Variants in GOLGA4 observed in about 807,000 individuals in gnomAD.
GOLGA4 encodes the protein golgin subfamily A member 4.
A neutral mutation model predicts 265.9 loss-of-function variants in GOLGA4; 169 were observed. The observed-to-expected ratio is 0.64, with a 90% confidence interval of 0.56 to 0.72. The LOEUF is 0.72. Ranked by LOEUF, GOLGA4 falls within the 30% of genes least tolerant of loss-of-function variation. The pLI, the probability that GOLGA4 is intolerant of heterozygous loss-of-function variation, is 0.00. For synonymous variants in GOLGA4, 923 were observed against 855.8 expected (o/e 1.08, Z -1.37); for missense variants, 2,482 against 2,483.4 (o/e 1.00, Z 0.01).
chr3:37,322,602 C>A (rs1315166452), intron 13 of GOLGA4, among the ~76,000 whole-genome samples: 1 of 152,128 alleles, frequency 6.6e-6, no homozygotes, highest in African/African-American at 2.4e-5. Flanking sequence ...GAAATGGACA[C>A]TTAGGAGGCC....
intron 8 of GOLGA4, 33 bp from the exon 9 acceptor site, chr3:37,299,255 A>G (rs1370057651): frequency 7.6e-7 from 1 of 1,313,260 alleles, no homozygotes; most frequent in South Asian, 1.2e-5. Context: ...AAGCTTTATT[A>G]GAGATGGAAA....
chr3:37,316,964 G>A (rs1235391198), intron 11 of GOLGA4, among the ~76,000 whole-genome samples: 2 of 151,528 alleles, frequency 1.3e-5, no homozygotes, highest in African/African-American at 4.8e-5. Flanking sequence ...TATATAGAAT[G>A]TTCTATATTT....
Position 37,324,906 on chromosome 3 carries a change from C to G in GOLGA4, c.3020C>G (p.Ala1007Gly). 1 of 1,606,426 alleles carries G rather than the reference C, an allele frequency of 6.2e-7. No individual in the cohort carries two copies. The highest frequency in any genetic ancestry group is 8.5e-7 in the Non-Finnish European group (1 of 1,177,858). Residue 1007 changes from alanine (A) to glycine (G), a missense_variant, in exon 14 of 24, where the codon GCA becomes GGA. By Grantham distance (60) the Ala-to-Gly change is moderately conservative. Coordinates refer to ENST00000361924, the MANE Select transcript of GOLGA4 (RefSeq NM_002078.5). Reference protein sequence around the residue: ...KQFNAKMLEMAQANSAGISDA... With the variant: ...KQFNAKMLEMGQANSAGISDA... ...TTTAATGCCAAAATGCTGGAAATGG[C>G]ACAGGCTAACTCAGCTGGAATCAGT...
chr3:37,248,166 G>A (rs1407481475), intron 1 of GOLGA4, among the ~76,000 whole-genome samples: 1 of 152,190 alleles, frequency 6.6e-6, no homozygotes, highest in Non-Finnish European at 1.5e-5. Flanking sequence ...TGTAGAGTCA[G>A]GGTCTTACTG....
At chr3:37,311,155 G>T (rs2096922231) in intron 10 of GOLGA4, among the ~76,000 whole-genome samples, 1 of 152,124 alleles carries the variant, frequency 6.6e-6, no homozygotes, top group East Asian at 1.9e-4. Flanking sequence ...TTTAAACATA[G>T]TGATGAGACT....
intron 16 of GOLGA4, 129 bp downstream of exon 16, chr3:37,329,222 T>C (rs2150980445): frequency 1.5e-6 from 1 of 667,614 alleles, no homozygotes; most frequent in South Asian, 2.1e-5. Context: ...CTCAATATTA[T>C]TCAAATTAGT....
chr3:37,276,438 A>C (rs1244446563), intron 2 of GOLGA4: 1 of 1,609,488 alleles, frequency 6.2e-7, no homozygotes. Context: ...AGAGAGCATC[A>C]GATGGCCAAG....
chr3:37,254,738 G>A (rs1018200291), intron 2 of GOLGA4, among the ~76,000 whole-genome samples: 2 of 151,236 alleles, frequency 1.3e-5, no homozygotes, highest in East Asian at 1.9e-4. Context: ...TCTTGACTTC[G>A]CGATCTGCCT....
Position 37,321,813 on chromosome 3 carries a change from A to C in GOLGA4, c.1628A>C (p.Gln543Pro). The change falls in exon 13 of 24, where the codon CAG becomes CCG. Residue 543 changes from glutamine (Q) to proline (P), a missense_variant. Physicochemically the swap from Gln to Pro is moderately conservative, Grantham distance 76. This residue lies in a region of GOLGA4 where 1,536 missense variants were observed against 1,483.7 expected (regional missense o/e 1.04). Transcript: ENST00000361924. ...TTGGCCCTAGAAGAGTTAGAGTTGC[A>C]GAAAAAAGCAATCCTCACAGAAAGT... is the stretch of plus-strand genomic sequence containing the variant. The part of the protein sequence containing the change: ...ESLALEELEL[Q>P]KKAILTESEN... 1 of 1,613,302 alleles carries C rather than the reference A, an allele frequency of 6.2e-7. No individual in the cohort carries two copies. Among genetic ancestry groups the C allele is most frequent in the East Asian group, 2.2e-5 (1 of 44,878 alleles).
Position 37,321,876 on chromosome 3 carries a change from C to A in GOLGA4, c.1691C>A (p.Thr564Asn). 6.3e-7 allele frequency: 1 copy of A among 1,592,996 alleles called. No homozygotes were observed. Among genetic ancestry groups the A allele is most frequent in the Non-Finnish European group, 8.5e-7 (1 of 1,174,326 alleles). The change falls in exon 13 of 24, where the codon ACT becomes AAT. Residue 564 changes from threonine (T) to asparagine (N), a missense_variant. Physicochemically the swap from Thr to Asn is moderately conservative, Grantham distance 65. Transcript: ENST00000361924. ...CGGGACCTTCAGCAAGAAGCAGAGA[C>A]TTACAGAACTGTAAGTTTTAATAAT... is the stretch of plus-strand genomic sequence containing the variant. ...KLRDLQQEAE[T>N]YRTRILELES...
intron 21 of GOLGA4, among the ~76,000 whole-genome samples, chr3:37,353,945 G>A (rs1330461271): frequency 6.6e-6 from 1 of 151,902 alleles, no homozygotes; most frequent in Non-Finnish European, 1.5e-5. Flanking sequence ...CGGAAGAAGA[G>A]GTCTGAAACT....
intron 16 of GOLGA4, among the ~76,000 whole-genome samples, chr3:37,333,406 C>CTAGA (rs1370386514): frequency 6.6e-6 from 1 of 151,814 alleles, no homozygotes; most frequent in Non-Finnish European, 1.5e-5. Context: ...TAAAATAAGA[C>CTAGA]TAGAAGGCTT....
intron 5 of GOLGA4, among the ~76,000 whole-genome samples, chr3:37,289,788 G>C (rs748476012): frequency 7.2e-5 from 11 of 152,080 alleles, no homozygotes; most frequent in Non-Finnish European, 1.6e-4. Context: ...ATTTTGTAAT[G>C]AGTACCTGTT....
At chr3:37,314,410 G>A (rs547039856) in intron 10 of GOLGA4, among the ~76,000 whole-genome samples, 7 of 152,146 alleles carry the variant, frequency 4.6e-5, no homozygotes, top group Non-Finnish European at 8.8e-5. Flanking sequence ...GGAGGACAAG[G>A]TGGGTGGATC....
At chr3:37,288,749 A>C (rs1237544214) in intron 4 of GOLGA4, among the ~76,000 whole-genome samples, 2 of 152,080 alleles carry the variant, frequency 1.3e-5, no homozygotes, top group Admixed American at 1.3e-4. Context: ...AAGTGCTGGG[A>C]TTACAGGTGT....
intron 2 of GOLGA4, among the ~76,000 whole-genome samples, chr3:37,262,575 T>G (rs1426697027): frequency 6.6e-6 from 1 of 151,830 alleles, no homozygotes; most frequent in Non-Finnish European, 1.5e-5. Context: ...AAACTCAGAC[T>G]GATGCCAGTT....
At chr3:37,299,425 C>T (rs2096887187) in intron 9 of GOLGA4, 54 bp downstream of exon 9, 2 of 1,038,930 alleles carry the variant, frequency 1.9e-6, no homozygotes, top group Admixed American at 2.0e-5. Context: ...CCAACATTTA[C>T]TTTTGGAAAC....
At chr3:37,269,797 T>C (rs2096793168) in intron 2 of GOLGA4, among the ~76,000 whole-genome samples, 1 of 151,290 alleles carries the variant, frequency 6.6e-6, no homozygotes, top group Admixed American at 6.6e-5. Context: ...GTTTAGTACA[T>C]AAATTGAAAT....
rs554388820 is a variant in GOLGA4 at position 37,318,918 on chromosome 3, G to A, written c.1414-145G>A. 37 of 554,954 alleles carry A rather than the reference G, an allele frequency of 6.7e-5. No individual in the cohort carries two copies. In the African/African-American group the frequency reaches 7.0e-4, roughly 10 times the overall value. The allele number at this position is 554,954 out of a possible 1,614,324, so 34.4% of individuals were successfully genotyped here. On this transcript the variant is annotated intron_variant, in intron 11 of 23. Transcript: ENST00000361924. Reference sequence around the variant, plus strand: ...CATGGCTTTGATGACTTTGATCTATGCAGGAAATGTGTTTTCTCTTAGGAA... The same window carrying A: ...CATGGCTTTGATGACTTTGATCTATACAGGAAATGTGTTTTCTCTTAGGAA...
Sources: gnomAD v4.1 joint callset for allele counts (sites outside exome capture counted in the v4.1 genomes callset) on GRCh38, gnomAD v4.1.1 for gene constraint, gnomAD v4.1.1 regional missense constraint, MANE v1.5 for transcripts, NCBI Gene and HGNC (gene_info 2026-07-23, HGNC 2026-07-21) for gene names.